Variants in KIAA0586 observed in about 807,000 individuals in gnomAD.
KIAA0586 encodes the protein KIAA0586, also known as protein TALPID3.
Under a neutral mutation model 169.8 loss-of-function variants are expected in KIAA0586, and 144 were observed. That is an observed-to-expected ratio of 0.85 (90% CI 0.74 to 0.97). KIAA0586 has a LOEUF of 0.97. KIAA0586 is among the 50% of genes least tolerant of loss of function. The pLI is 0.00. For missense variants in KIAA0586, 1,854 were observed against 1,823.0 expected (o/e 1.02, Z -0.31); for synonymous variants, 625 against 612.4 (o/e 1.02, Z -0.30).
chr14:58,510,939 A>G (rs1002288232), intron 28 of KIAA0586, among the ~76,000 whole-genome samples: 4 of 152,270 alleles, frequency 2.6e-5, no homozygotes, highest in South Asian at 2.1e-4. Context: ...ATAGCATTTC[A>G]GTTATTTTGG....
intron 30 of KIAA0586, among the ~76,000 whole-genome samples, chr14:58,547,190 A>G (rs2047037500): frequency 1.3e-5 from 2 of 152,090 alleles, no homozygotes; most frequent in Admixed American, 1.3e-4. Flanking sequence ...TCTAACCACA[A>G]ACCTTTAATT....
intron 29 of KIAA0586, among the ~76,000 whole-genome samples, chr14:58,529,963 A>C (rs1279500657): frequency 6.6e-6 from 1 of 152,190 alleles, no homozygotes; most frequent in African/African-American, 2.4e-5. Context: ...AAACTCCATC[A>C]TCTCAGCCCA....
chr14:58,433,748 G>T (rs1483254468), intron 4 of KIAA0586, among the ~76,000 whole-genome samples: 1 of 152,176 alleles, frequency 6.6e-6, no homozygotes, highest in East Asian at 1.9e-4. Context: ...GGGCATGGTG[G>T]CTCATGCCTG....
intron 29 of KIAA0586, among the ~76,000 whole-genome samples, 162 bp downstream of exon 29, chr14:58,512,789 A>G (rs2044482101): frequency 1.3e-5 from 2 of 151,948 alleles, no homozygotes; most frequent in Non-Finnish European, 2.9e-5. Context: ...TCGGTATTGT[A>G]TTTGACTATG....
At chr14:58,526,556 A>G (rs1305501783) in intron 29 of KIAA0586, among the ~76,000 whole-genome samples, 3 of 152,228 alleles carry the variant, frequency 2.0e-5, no homozygotes, top group African/African-American at 7.2e-5. Context: ...TCTGAAGGTC[A>G]CTAACATCAA....
chr14:58,489,659 C>T (rs2042708820), intron 24 of KIAA0586, among the ~76,000 whole-genome samples: 2 of 152,022 alleles, frequency 1.3e-5, no homozygotes, highest in South Asian at 2.1e-4. Flanking sequence ...GTTTTCAATG[C>T]TTTCAGTCTA....
chr14:58,532,372 G>A (rs1191789986), intron 29 of KIAA0586, among the ~76,000 whole-genome samples: 1 of 152,096 alleles, frequency 6.6e-6, no homozygotes, highest in African/African-American at 2.4e-5. Context: ...ACAGGAAAGG[G>A]TATTTGTGTT....
chr14:58,478,664 C>T (rs113045857), intron 20 of KIAA0586, among the ~76,000 whole-genome samples: 287 of 152,294 alleles, frequency 1.9e-3, no homozygotes, highest in African/African-American at 6.8e-3. Context: ...TATATATTAG[C>T]CACATAATCA....
intron 29 of KIAA0586, among the ~76,000 whole-genome samples, chr14:58,531,972 G>A (rs1417638907): frequency 6.6e-6 from 1 of 152,040 alleles, no homozygotes; most frequent in African/African-American, 2.4e-5. Flanking sequence ...ACTCATAAGT[G>A]GGAGTTGAAC....
chr14:58,499,477 C>T (rs944855016), intron 27 of KIAA0586, among the ~76,000 whole-genome samples: 2 of 152,020 alleles, frequency 1.3e-5, no homozygotes, highest in African/African-American at 4.8e-5. Flanking sequence ...TGGTCTCGAT[C>T]TCCTGACCTC....
intron 29 of KIAA0586, among the ~76,000 whole-genome samples, chr14:58,532,148 C>T (rs1223555913): frequency 1.3e-5 from 2 of 149,952 alleles, no homozygotes; most frequent in Non-Finnish European, 3.0e-5. Context: ...CAAACCTGCA[C>T]GTTCTGCATA....
chr14:58,456,856 A>G, intron 10 of KIAA0586, 46 bp downstream of exon 10: 1 of 1,003,478 alleles, frequency 1.0e-6, no homozygotes, highest in South Asian at 1.4e-5. Flanking sequence ...TAAGATAAAA[A>G]TTAAAAAGGA....
At chr14:58,452,454 T>C (rs1251494237) in intron 8 of KIAA0586, among the ~76,000 whole-genome samples, 1 of 152,168 alleles carries the variant, frequency 6.6e-6, no homozygotes, top group Admixed American at 6.5e-5. Flanking sequence ...GATAATAAAA[T>C]CTTTAATAAA....
chr14:58,444,224 A>G, intron 6 of KIAA0586, 49 bp downstream of exon 6: 1 of 1,199,182 alleles, frequency 8.3e-7, no homozygotes, highest in Non-Finnish European at 1.2e-6. Flanking sequence ...TATCACTTGG[A>G]TCTCTCAGCC....
At chr14:58,438,206 A>AT (rs909072101) in intron 4 of KIAA0586, among the ~76,000 whole-genome samples, 5 of 152,032 alleles carry the variant, frequency 3.3e-5, no homozygotes, top group Non-Finnish European at 5.9e-5. Flanking sequence ...GGTTATGTGC[A>AT]TTTTTTTGAC....
chr14:58,543,855 C>A (rs1395176922), intron 30 of KIAA0586: 1 of 451,554 alleles, frequency 2.2e-6, no homozygotes, highest in Non-Finnish European at 4.4e-6. Context: ...ATGATTTTTA[C>A]CTCTTTTTTT....
intron 29 of KIAA0586, among the ~76,000 whole-genome samples, chr14:58,527,076 A>C (rs963156741): frequency 6.6e-6 from 1 of 152,106 alleles, no homozygotes; most frequent in African/African-American, 2.4e-5. Context: ...ATCAATAGCC[A>C]GATTGATCAA....
At chr14:58,430,764 A>G in intron 3 of KIAA0586, 47 bp downstream of exon 3, 1 of 1,079,834 alleles carries the variant, frequency 9.3e-7, no homozygotes, top group Non-Finnish European at 1.4e-6. Flanking sequence ...ACATATACAT[A>G]ACATAAAGTT....
Position 58,521,286 on chromosome 14 carries a change from A to C in KIAA0586, c.4429+8659A>C, listed in dbSNP as rs138235840. 4.9e-5 allele frequency: 56 copies of C among 1,146,414 alleles called. No homozygotes were observed. The African/African-American group carries it at 8.0e-4, about 16-fold the overall frequency. The allele number at this position is 1,146,414 out of a possible 1,614,324, so 71.0% of individuals were successfully genotyped here. On this transcript the variant is annotated intron_variant, in intron 29 of 30. Coordinates refer to ENST00000652326, the MANE Select transcript of KIAA0586 (RefSeq NM_001329943.3). ...CATGAACTCCCGTGTGTTCATTGGG[A>C]ATCTCAACACTCTTGTGCTCCAGAA...
Sources: gnomAD v4.1 joint callset for allele counts (sites outside exome capture counted in the v4.1 genomes callset) on GRCh38, gnomAD v4.1.1 for gene constraint, MANE v1.5 for transcripts, NCBI Gene and HGNC (gene_info 2026-07-23, HGNC 2026-07-21) for gene names.